Variants in CBY2 observed in about 807,000 individuals in gnomAD.
The protein encoded by CBY2 is protein chibby homolog 2.
Under a neutral mutation model 25.3 loss-of-function variants are expected in CBY2, and 23 were observed. The ratio of observed to expected loss-of-function variants is 0.91; its 90% CI spans 0.65 to 1.29. The LOEUF (loss-of-function observed/expected upper bound fraction) is 1.29, where lower values mean the gene tolerates loss of function less well. Ranked by LOEUF, CBY2 falls within the 50% of genes most tolerant of loss-of-function variation. The pLI is 0.00. For missense variants in CBY2, 642 were observed against 590.7 expected (o/e 1.09, Z -0.90); for synonymous variants, 279 against 260.2 (o/e 1.07, Z -0.70).
rs745672094 is a variant in CBY2 at position 45,713,839 on chromosome 13, G to A, written c.814G>A (p.Glu272Lys). ...EQKQAYWAQA[E>K]DTAAPAEESK... ...GAAACAGGCCTACTGGGCGCAGGCA[G>A]AGGACACGGCCGCCCCTGCCGAGGA... The change falls in exon 3 of 3, where the codon GAG (glutamate) becomes AAG (lysine). Residue 272 changes from glutamate (E) to lysine (K), a missense_variant. Physicochemically the swap from Glu to Lys is moderately conservative, Grantham distance 56 (BLOSUM62 1). Transcript: ENST00000310521. The surrounding 1 kb of genome is among the most constrained non-coding windows in gnomAD (Gnocchi z 5.0). 1 of 1,528,086 alleles carries A rather than the reference G, an allele frequency of 6.5e-7. No individual in the cohort carries two copies. Among genetic ancestry groups the A allele is most frequent in the Non-Finnish European group, 8.8e-7 (1 of 1,139,220 alleles). 94.7% of individuals were successfully genotyped at this position (1,528,086 alleles called of 1,614,324 possible). A position where few individuals can be genotyped will look rare whatever the true frequency, so the allele number is the denominator to read the frequency against.
chr13:45,707,182 G>A (rs1028418432), intron 2 of CBY2, among the ~76,000 whole-genome samples: 19 of 152,214 alleles, frequency 1.2e-4, no homozygotes, highest in South Asian at 6.2e-4. Context: ...GTTTACCCTC[G>A]TTGGATTATA....
At chr13:45,710,957 C>CAT (rs746920104) in intron 2 of CBY2, among the ~76,000 whole-genome samples, 32 of 152,126 alleles carry the variant, frequency 2.1e-4, no homozygotes, top group Non-Finnish European at 2.8e-4. Context: ...TACACCCACA[C>CAT]ATATATATAT....
chr13:45,707,277 C>A (rs949229906), intron 2 of CBY2, among the ~76,000 whole-genome samples: 2 of 151,990 alleles, frequency 1.3e-5, no homozygotes, highest in Non-Finnish European at 2.9e-5. Context: ...ATGGATGAAC[C>A]TAGGGGTTTG....
rs1285385474 is a variant in CBY2 at position 45,704,012 on chromosome 13, T to G, written c.156+1157T>G. Among the ~76,000 whole-genome samples, 4 of 152,120 alleles carry G rather than the reference T, an allele frequency of 2.6e-5. No homozygotes were observed. Among genetic ancestry groups the G allele is most frequent in the Non-Finnish European group, 5.9e-5 (4 of 68,026 alleles). ...AATCCTGGGGCCCCTCAACTTTACA[T>G]GCTTTGAAAGTACCTCAGATGGCTG... is the stretch of plus-strand genomic sequence containing the variant. On this transcript the variant is annotated intron_variant, in intron 2 of 2. Coordinates refer to ENST00000310521, the MANE Select transcript of CBY2 (RefSeq NM_152719.3). This position sits in a 1 kb window ranked among gnomAD's most constrained non-coding sequence, Gnocchi z 4.1.
In CBY2 at chr13:45,713,178, G is replaced by C. The variant is rs374069526; in HGVS notation, c.157-4G>C. On this transcript the variant is annotated splice_polypyrimidine_tract_variant and splice_region_variant and intron_variant, in intron 2 of 2. Coordinates refer to ENST00000310521, the MANE Select transcript of CBY2 (RefSeq NM_152719.3). The surrounding 1 kb of genome is among the most constrained non-coding windows in gnomAD (Gnocchi z 5.0). ...ACGCTGGGCTTTCCCATTCTCTCCC[G>C]CAGAGGGGCACAGCCGAACCCTTCC... The C allele has an allele frequency of 1.3e-5, 21 of 1,603,986 alleles. No individual in the cohort carries two copies. The highest frequency in any genetic ancestry group is 1.6e-5 in the Non-Finnish European group (19 of 1,174,262).
chr13:45,709,226 C>T (rs935550734), intron 2 of CBY2, among the ~76,000 whole-genome samples: 1 of 152,200 alleles, frequency 6.6e-6, no homozygotes, highest in African/African-American at 2.4e-5. Flanking sequence ...AGGGCACAAA[C>T]ACCCAGGTTG....
intron 2 of CBY2, among the ~76,000 whole-genome samples, chr13:45,706,265 G>C (rs1470911490): frequency 2.0e-5 from 3 of 152,190 alleles, no homozygotes; most frequent in Non-Finnish European, 4.4e-5. Context: ...CAGATTTCAG[G>C]CATTTTCCTT....
intron 2 of CBY2, among the ~76,000 whole-genome samples, chr13:45,711,885 A>G (rs1950272368): frequency 6.6e-6 from 1 of 152,120 alleles, no homozygotes; most frequent in South Asian, 2.1e-4. Flanking sequence ...TTGCTCAGTG[A>G]TATGTCTGGG....
At position 45,702,322 on chromosome 13, in the gene CBY2, A is replaced by G. The variant is rs1176355200; in HGVS notation, c.-69A>G. 2.2e-6 allele frequency: 3 copies of G among 1,381,572 alleles called. No homozygotes were observed. In the East Asian group the frequency reaches 6.8e-5, roughly 31 times the overall value. 85.6% of individuals were successfully genotyped at this position (1,381,572 alleles called of 1,614,324 possible). ...CCCACAAGCTCTTCCTGCCTGTCAG[A>G]TGCCTCATTCCCACCTGTGATGCTC... On this transcript the variant is annotated 5_prime_UTR_variant, in exon 1 of 3. It removes an upstream start codon present in the reference 5' UTR. Coordinates refer to ENST00000310521, the MANE Select transcript of CBY2 (RefSeq NM_152719.3).
intron 2 of CBY2, among the ~76,000 whole-genome samples, chr13:45,710,804 A>G (rs977262366): frequency 1.1e-4 from 16 of 152,228 alleles, no homozygotes; most frequent in African/African-American, 3.9e-4. Context: ...TGGAAGATTG[A>G]GCGTATCCTT....
intron 2 of CBY2, chr13:45,703,591 G>A (rs1452071313): frequency 6.4e-7 from 1 of 1,550,632 alleles, no homozygotes; most frequent in Admixed American, 2.0e-5. Flanking sequence ...CCAATGCAGA[G>A]GTAACTATCT....
Position 45,713,927 on chromosome 13 carries a change from G to T in CBY2, c.902G>T (p.Gly301Val), listed in dbSNP as rs1950293912. ...AGCCCCGGGCTGCTGCAGGACCAGG[G>T]CTCCGGCCTCTCCTCCCGCTTCGAG... is the stretch of plus-strand genomic sequence containing the variant. The part of the protein sequence containing the change: ...PCSPGLLQDQ[G>V]SGLSSRFEEP... Residue 301 changes from glycine to valine, a missense_variant, in exon 3 of 3, where the codon GGC (glycine) becomes GTC (valine). Transcript: ENST00000310521. The surrounding 1 kb of genome is among the most constrained non-coding windows in gnomAD (Gnocchi z 5.0). 6.5e-7 allele frequency: 1 copy of T among 1,534,998 alleles called. No individual in the cohort carries two copies. Among genetic ancestry groups the T allele is most frequent in the East Asian group, 2.4e-5 (1 of 40,838 alleles).
intron 2 of CBY2, among the ~76,000 whole-genome samples, chr13:45,705,402 G>A (rs982678827): frequency 2.0e-5 from 3 of 152,258 alleles, no homozygotes; most frequent in African/African-American, 7.2e-5. Flanking sequence ...AGCACCCTCC[G>A]GTGCCTCCTT....
chr13:45,705,644 C>T (rs1334363031), intron 2 of CBY2, among the ~76,000 whole-genome samples: 2 of 152,168 alleles, frequency 1.3e-5, no homozygotes, highest in Non-Finnish European at 2.9e-5. Context: ...ATCCTTTTAC[C>T]TGTTAGTATT....
intron 2 of CBY2, chr13:45,703,650 C>T: frequency 5.0e-6 from 7 of 1,386,732 alleles, no homozygotes; most frequent in Non-Finnish European, 7.0e-6. Context: ...CACTGGTGGG[C>T]ATTCCATATA....
intron 2 of CBY2, among the ~76,000 whole-genome samples, chr13:45,710,999 C>T (rs959898927): frequency 1.3e-5 from 2 of 152,100 alleles, no homozygotes; most frequent in African/African-American, 2.4e-5. Context: ...TTTTTATTTT[C>T]TCTATCTGTA....
intron 2 of CBY2, chr13:45,703,353 T>C: frequency 7.0e-7 from 1 of 1,431,570 alleles, no homozygotes; most frequent in Non-Finnish European, 9.1e-7. Context: ...GCCATGGGCA[T>C]AGATGCTTTT....
chr13:45,714,068 G>A lies in CBY2; in HGVS notation c.1043G>A (p.Gly348Asp). The change falls in exon 3 of 3, where the codon GGC (glycine) becomes GAC (aspartate). Residue 348 changes from glycine to aspartate, a missense_variant. By Grantham distance (94) the Gly-to-Asp change is moderately conservative. Transcript: ENST00000310521. ...GAGGAGGAGGCCAAGGTGGGCCCGG[G>A]CCTGCCCGACGGCTGCCAGCCCCTG... ...SGEEEAKVGP[G>D]LPDGCQPLQL... The A allele has an allele frequency of 6.6e-7, 1 of 1,520,724 alleles. No individual in the cohort carries two copies. Among genetic ancestry groups the A allele is most frequent in the Non-Finnish European group, 8.8e-7 (1 of 1,132,704 alleles). The allele number at this position is 1,520,724 out of a possible 1,614,324, so 94.2% of individuals were successfully genotyped here.
chr13:45,713,753 A>T lies in CBY2; in HGVS notation c.728A>T (p.Glu243Val), dbSNP rs745665334. The T allele has an allele frequency of 6.2e-7, 1 of 1,609,250 alleles. No homozygotes were observed. The highest frequency in any genetic ancestry group is 8.5e-7 in the Non-Finnish European group (1 of 1,178,386). The change falls in exon 3 of 3, where the codon GAG becomes GTG. Residue 243 changes from glutamate (E) to valine (V), a missense_variant. By Grantham distance (121) the Glu-to-Val change is moderately radical (BLOSUM62 -2). Coordinates refer to ENST00000310521, the MANE Select transcript of CBY2 (RefSeq NM_152719.3). The surrounding 1 kb of genome is among the most constrained non-coding windows in gnomAD (Gnocchi z 5.0). ...HVALQVPRGKEDSTLQLLREE... is the reference protein window; with the variant it reads ...HVALQVPRGKVDSTLQLLREE... ...GCCCTGCAGGTGCCCCGTGGCAAGG[A>T]GGACAGCACCCTGCAGCTCCTCCGG...
Sources: allele counts gnomAD v4.1 joint callset (sites outside exome capture counted in the v4.1 genomes callset), GRCh38; gene constraint gnomAD v4.1.1; non-coding constraint Gnocchi (gnomAD v3.1); transcripts MANE v1.5; gene names NCBI Gene and HGNC (gene_info 2026-07-23, HGNC 2026-07-21).